Variants in CEP350 observed in about 807,000 individuals in gnomAD.
CEP350 encodes the protein centrosomal protein 350, also known as centrosome-associated protein 350.
In CEP350, 126 loss-of-function variants were observed where a neutral mutation model predicts 331.8. That is an observed-to-expected ratio of 0.38 (90% CI 0.33 to 0.44). The LOEUF (loss-of-function observed/expected upper bound fraction) is 0.44, where lower values mean the gene tolerates loss of function less well. Among genes scored for constraint, CEP350 ranks in the 20% least tolerant of loss-of-function variants. CEP350 has a pLI of 1.00. For missense variants in CEP350, 3,406 were observed against 3,634.6 expected, an observed-to-expected ratio of 0.94 and a Z score of 1.62; for synonymous variants, 1,200 against 1,259.5, an observed-to-expected ratio of 0.95 and a Z score of 1.00.
intron 11 of CEP350, 123 bp downstream of exon 11, chr1:180,016,093 G>C (rs989467612): frequency 8.7e-7 from 1 of 1,144,996 alleles, no homozygotes; most frequent in East Asian, 2.4e-5. Flanking sequence ...TTTACAAATT[G>C]GTTCATATCT....
At chr1:180,022,620 A>G in intron 12 of CEP350, 78 bp from the exon 13 acceptor site, 1 of 1,295,794 alleles carries the variant, frequency 7.7e-7, no homozygotes, top group East Asian at 2.5e-5. Flanking sequence ...CATATTGCTA[A>G]TCTCCATGTA....
At chr1:180,069,959 G>A (rs1278806587) in intron 27 of CEP350, among the ~76,000 whole-genome samples, 1 of 152,160 alleles carries the variant, frequency 6.6e-6, no homozygotes, top group South Asian at 2.1e-4. Context: ...CATTGCATAA[G>A]GATTCACTAA....
At chr1:180,056,100 A>G (rs1657825588) in intron 25 of CEP350, among the ~76,000 whole-genome samples, 1 of 152,096 alleles carries the variant, frequency 6.6e-6, no homozygotes, top group Non-Finnish European at 1.5e-5. Context: ...ATTTTATTGC[A>G]TGCCTGCTAA....
rs1042566908 is a variant in CEP350, at chr1:179,987,149, G to A, written c.74-91G>A. On this transcript the variant is annotated intron_variant, in intron 2 of 37. Transcript: ENST00000367607. ...AATAAGGTAGTTTTCAGACTTTTGA[G>A]TGCATTTGGGAGCTTATTAAAATTC... 6 of 697,410 alleles carry A rather than the reference G, an allele frequency of 8.6e-6. No homozygotes were observed. The African/African-American group carries it at 1.1e-4, about 13-fold the overall frequency. The allele number at this position is 697,410 out of a possible 1,614,324, so 43.2% of individuals were successfully genotyped here. A position where few individuals can be genotyped will look rare whatever the true frequency, so the allele number is the denominator to read the frequency against.
chr1:180,055,418 G>A (rs1303722014), intron 25 of CEP350, among the ~76,000 whole-genome samples: 1 of 151,912 alleles, frequency 6.6e-6, no homozygotes, highest in Non-Finnish European at 1.5e-5. Flanking sequence ...GTTGTCAGGT[G>A]CTAGCTACTG....
intron 10 of CEP350, 148 bp from the exon 11 acceptor site, chr1:180,015,701 T>C: frequency 9.9e-7 from 1 of 1,009,864 alleles, no homozygotes; most frequent in Non-Finnish European, 1.4e-6. Flanking sequence ...TAAGACAAAA[T>C]AAATTTTAAT....
At chr1:180,006,774 C>A (rs1654287781) in intron 8 of CEP350, among the ~76,000 whole-genome samples, 1 of 152,118 alleles carries the variant, frequency 6.6e-6, no homozygotes, top group Non-Finnish European at 1.5e-5. Context: ...CAGCCCCCAA[C>A]AAGCCCCGAT....
In CEP350 at chr1:180,095,749, T is replaced by C. The variant is rs917602555; in HGVS notation, c.8738T>C (p.Leu2913Ser). 8 of 1,613,858 alleles carry C rather than the reference T, an allele frequency of 5.0e-6. No homozygotes were observed. Among genetic ancestry groups the C allele is most frequent in the Admixed American group, 1.7e-5 (1 of 59,992 alleles). The stretch of plus-strand genomic sequence containing the variant: ...GTAACCCAACAACCATGTGAAACAT[T>C]ATTGGCAGTCCCCCATACTGCAGAA... ...KRVTQQPCETLLAVPHTAEEV... is the reference protein window; with the variant it reads ...KRVTQQPCETSLAVPHTAEEV... Residue 2913 changes from leucine (L) to serine (S), a missense_variant, in exon 35 of 38, where the codon TTA becomes TCA. By Grantham distance (145) the Leu-to-Ser change is moderately radical (BLOSUM62 -2). Transcript: ENST00000367607.
At chr1:180,057,627 G>T (rs533608877) in intron 25 of CEP350, among the ~76,000 whole-genome samples, 2 of 151,654 alleles carry the variant, frequency 1.3e-5, no homozygotes, top group East Asian at 3.9e-4. Flanking sequence ...CCAGCTGATG[G>T]TCTCTTCCCC....
At chr1:180,065,707 A>G (rs1224490245) in intron 27 of CEP350, among the ~76,000 whole-genome samples, 3 of 151,886 alleles carry the variant, frequency 2.0e-5, no homozygotes, top group Non-Finnish European at 2.9e-5. Context: ...GCAGTGAGCT[A>G]TGATTGTGCC....
At chr1:179,986,140 A>G (rs767140574) in intron 1 of CEP350, 29 bp from the exon 2 acceptor site, 82 of 1,488,180 alleles carry the variant, frequency 5.5e-5, no homozygotes, top group Non-Finnish European at 7.2e-5. Flanking sequence ...TATAAGATTG[A>G]TGTTCGGTGA....
chr1:180,078,431 T>G, intron 28 of CEP350, 32 bp from the exon 29 acceptor site: 1 of 1,490,134 alleles, frequency 6.7e-7, no homozygotes, highest in African/African-American at 1.4e-5. Context: ...AGATTGTATC[T>G]TTTTTTTCTT....
At chr1:180,079,306 G>A (rs1659422047) in intron 29 of CEP350, among the ~76,000 whole-genome samples, 1 of 150,970 alleles carries the variant, frequency 6.6e-6, no homozygotes, top group African/African-American at 2.4e-5. Flanking sequence ...ATACACAGAT[G>A]TTGTTAAAGC....
At chr1:180,084,854 A>G (rs1274356758) in intron 31 of CEP350, among the ~76,000 whole-genome samples, 2 of 152,092 alleles carry the variant, frequency 1.3e-5, no homozygotes, top group African/African-American at 2.4e-5. Context: ...CAGCCTGGGC[A>G]ACATAGCAAG....
chr1:179,992,652 T>C (rs1367434331), intron 5 of CEP350, among the ~76,000 whole-genome samples: 1 of 152,134 alleles, frequency 6.6e-6, no homozygotes, highest in Non-Finnish European at 1.5e-5. Context: ...TCCTATCTTA[T>C]TGAGAATGTG....
rs751570955 is a variant in CEP350 at position 179,991,667 on chromosome 1, ATG to A, written c.236-355_236-354del. Reference sequence around the variant, plus strand: ...TAAACTGTGATATGTATATATATATATGTGTGTGTGTGTGTGTGTGTGTGTGT... The same window carrying A: ...TAAACTGTGATATGTATATATATATATGTGTGTGTGTGTGTGTGTGTGTGT... On this transcript the variant is annotated intron_variant, in intron 4 of 37. Coordinates refer to ENST00000367607, the MANE Select transcript of CEP350 (RefSeq NM_014810.5). 8.2e-3 allele frequency among the ~76,000 whole-genome samples: 741 copies of A among 90,188 alleles called. 5 individuals carry two copies. The highest frequency in any genetic ancestry group is 0.016 in the African/African-American group (371 of 23,242). The allele number at this position is 90,188 out of a possible 152,430, so 59.2% of individuals were successfully genotyped here. A position where few individuals can be genotyped will look rare whatever the true frequency, so the allele number is the denominator to read the frequency against.
chr1:179,991,655 GTATA>G (rs199720658), intron 4 of CEP350, among the ~76,000 whole-genome samples: 102 of 115,548 alleles, frequency 8.8e-4, no homozygotes, highest in African/African-American at 2.4e-3. Flanking sequence ...ACTGTGATAT[GTATA>G]TATATATATG....
At position 180,011,938 on chromosome 1, in the gene CEP350, A is replaced by G. The variant is rs1465778098; in HGVS notation, c.1256A>G (p.His419Arg). The G allele has an allele frequency of 6.3e-7, 1 of 1,595,600 alleles. No individual in the cohort carries two copies. The highest frequency in any genetic ancestry group is 8.5e-7 in the Non-Finnish European group (1 of 1,171,414). The part of the protein sequence containing the change: ...SSTECRTGSS[H>R]LISTSSWRDG... ...CCATGTATTTTTTTAGGTAGTAGTC[A>G]TCTTATAAGTACATCTTCTTGGCGA... is the stretch of plus-strand genomic sequence containing the variant. Residue 419 changes from histidine (H) to arginine (R), a missense_variant, in exon 9 of 38, where the codon CAT (histidine) becomes CGT (arginine). Physicochemically the swap from His to Arg is conservative, Grantham distance 29 (BLOSUM62 0). Transcript: ENST00000367607.
Position 180,033,922 on chromosome 1 carries a change from C to G in CEP350, c.3786C>G (p.Ser1262=), listed in dbSNP as rs1184013694. The change falls in exon 16 of 38, where the codon TCC becomes TCG. Residue 1262 remains serine (S), a synonymous_variant. Coordinates refer to ENST00000367607, the MANE Select transcript of CEP350 (RefSeq NM_014810.5). ...CAACTTCTCCCCTGTCACCAAGTTCCCAGAAATCATTGCAGTTTGACGTTG... is the reference window on the plus strand; with the variant it reads ...CAACTTCTCCCCTGTCACCAAGTTCGCAGAAATCATTGCAGTTTGACGTTG... ...KTPTSPLSPS[S]QKSLQFDVAG... is the part of the protein sequence containing the mutation. 1.2e-6 allele frequency: 2 copies of G among 1,613,736 alleles called. No individual in the cohort carries two copies. The highest frequency in any genetic ancestry group is 1.7e-5 in the Admixed American group (1 of 59,978).
Sources: allele counts gnomAD v4.1 joint callset (sites outside exome capture counted in the v4.1 genomes callset), GRCh38; gene constraint gnomAD v4.1.1; transcripts MANE v1.5; gene names NCBI Gene and HGNC (gene_info 2026-07-23, HGNC 2026-07-21).